The following KRTDAP variants were observed in gnomAD, a reference collection of about 807,000 sequenced individuals.
KRTDAP encodes the protein keratinocyte differentiation associated protein, also known as keratinocyte differentiation-associated protein.
KRTDAP carries 14 observed loss-of-function variants against 18.6 expected under a neutral mutation model. The observed-to-expected ratio is 0.75, with a 90% confidence interval of 0.50 to 1.18. The LOEUF (loss-of-function observed/expected upper bound fraction) is 1.18, where lower values mean the gene tolerates loss of function less well. KRTDAP is among the 50% of genes most tolerant of loss of function. The probability of loss-of-function intolerance (pLI) is 0.00; values close to 1 mark genes in which losing one functional copy is unlikely to be tolerated. For missense variants in KRTDAP, 114 were observed against 121.3 expected, an observed-to-expected ratio of 0.94 and a Z score of 0.28; for synonymous variants, 53 against 49.5, an observed-to-expected ratio of 1.07 and a Z score of -0.29.
At chr19:35,490,331 AT>A in intron 1 of KRTDAP, 24 bp downstream of exon 1, 1 of 1,510,964 alleles carries the variant, frequency 6.6e-7, no homozygotes, top group Non-Finnish European at 9.1e-7. Flanking sequence ...ACGTATAAGA[AT>A]AAAAATGCAG....
chr19:35,490,215 CT>C (rs2067514639), intron 1 of KRTDAP, 140 bp downstream of exon 1: 1 of 551,682 alleles, frequency 1.8e-6, no homozygotes, highest in African/African-American at 1.9e-5. Flanking sequence ...TCCCTCCTCC[CT>C]TCCTCAGAGC....
intron 4 of KRTDAP, 149 bp from the exon 5 acceptor site, chr19:35,487,908 AG>A: frequency 1.5e-6 from 1 of 645,210 alleles, no homozygotes; most frequent in Non-Finnish European, 2.8e-6. Context: ...ATATTTCCTG[AG>A]GCCTTAGTCT....
At chr19:35,488,617 G>A in intron 3 of KRTDAP, 45 bp downstream of exon 3, 1 of 1,610,046 alleles carries the variant, frequency 6.2e-7, no homozygotes, top group Non-Finnish European at 8.5e-7. Context: ...TATCCCCTCT[G>A]TGATGAGGGT....
At chr19:35,489,434 G>A (rs2067510491) in intron 1 of KRTDAP, among the ~76,000 whole-genome samples, 1 of 152,178 alleles carries the variant, frequency 6.6e-6, no homozygotes, top group South Asian at 2.1e-4. Context: ...TTGGTCATTT[G>A]TTTTTTGGTT....
intron 5 of KRTDAP, 116 bp from the exon 6 acceptor site, chr19:35,487,582 T>A: frequency 8.7e-7 from 1 of 1,148,166 alleles, no homozygotes; most frequent in Non-Finnish European, 1.3e-6. Context: ...CTATATGTAG[T>A]AGCTAAGACC....
intron 5 of KRTDAP, 21 bp from the exon 6 acceptor site, chr19:35,487,487 G>T: frequency 6.2e-7 from 1 of 1,611,416 alleles, no homozygotes; most frequent in East Asian, 2.2e-5. Context: ...AGGGGTCAGG[G>T]TTAGATGGGG....
intron 1 of KRTDAP, 49 bp downstream of exon 1, chr19:35,490,307 G>A: frequency 3.4e-6 from 4 of 1,161,678 alleles, no homozygotes; most frequent in Non-Finnish European, 5.0e-6. Context: ...GAGATGGAGG[G>A]GTAGGTGGGT....
At chr19:35,487,586 T>C in intron 5 of KRTDAP, 120 bp from the exon 6 acceptor site, 1 of 1,157,274 alleles carries the variant, frequency 8.6e-7, no homozygotes, top group Non-Finnish European at 1.3e-6. Flanking sequence ...ATGTAGTAGC[T>C]AAGACCTCCC....
rs775957043 is a variant in KRTDAP, at chr19:35,490,390, T to TGGAGCACCAGGAGGGAGA, written c.35_52dup (p.Leu12_Leu17dup). On this transcript the variant is annotated inframe_insertion, in exon 1 of 6. Transcript: ENST00000338897. ...ACCCAGGGTGGCTCCCTGGGCAGAG[T>TGGAGCACCAGGAGGGAGA]GGAGCACCAGGAGGGAGAGGAGCAC... is the stretch of plus-strand genomic sequence containing the variant. 6.2e-7 allele frequency: 1 copy of TGGAGCACCAGGAGGGAGA among 1,612,950 alleles called. No individual in the cohort carries two copies. The highest frequency in any genetic ancestry group is 2.2e-5 in the East Asian group (1 of 44,842).
In KRTDAP at chr19:35,488,487, T is replaced by A. The variant is rs1189157275; in HGVS notation, c.169-2A>T. On this transcript the variant is annotated splice_acceptor_variant, in intron 3 of 5. Coordinates refer to ENST00000338897, the MANE Select transcript of KRTDAP (RefSeq NM_207392.3). LOFTEE classifies it high-confidence loss of function. ...CAGGAACTCATCAGCCTTAAACGCC[T>A]GAGGAGGAAGAGAGACAGCAGAAGC... 1.2e-6 allele frequency: 2 copies of A among 1,613,548 alleles called. No homozygotes were observed. Among genetic ancestry groups the A allele is most frequent in the Non-Finnish European group, 1.7e-6 (2 of 1,179,850 alleles).
chr19:35,489,521 C>G (rs1412896187), intron 1 of KRTDAP, among the ~76,000 whole-genome samples: 2 of 152,174 alleles, frequency 1.3e-5, no homozygotes, highest in Non-Finnish European at 2.9e-5. Context: ...ATGTAAAACT[C>G]TAGGCACATC....
Position 35,487,564 on chromosome 19 carries a change from G to A in KRTDAP, c.262-98C>T, listed in dbSNP as rs777501512. 2.2e-4 allele frequency: 277 copies of A among 1,231,338 alleles called. 1 individual carries two copies. The highest frequency in any genetic ancestry group is 5.6e-4 in the Middle Eastern group (3 of 5,330). The allele number at this position is 1,231,338 out of a possible 1,614,324, so 76.3% of individuals were successfully genotyped here. ...AATTTCTGCCTCGGTGTGAGTTCCC[G>A]TTCTCCTCTATATGTAGTAGCTAAG... On this transcript the variant is annotated intron_variant, in intron 5 of 5. Transcript: ENST00000338897.
At chr19:35,488,594 C>G (rs1259790425) in intron 3 of KRTDAP, 68 bp downstream of exon 3, 2 of 1,610,800 alleles carry the variant, frequency 1.2e-6, no homozygotes, top group African/African-American at 2.7e-5. Flanking sequence ...TGCAAGCTCT[C>G]TACCAAGGCG....
In KRTDAP at chr19:35,488,432, A is replaced by G. The variant is rs906276816; in HGVS notation, c.213+9T>C. Reference sequence around the variant, plus strand: ...AACCGAGGAGGGCAAGGGGCGCCGGAGCACTCACCTCAAAGAGGGCGTGCC... The same window carrying G: ...AACCGAGGAGGGCAAGGGGCGCCGGGGCACTCACCTCAAAGAGGGCGTGCC... On this transcript the variant is annotated intron_variant, in intron 4 of 5. Coordinates refer to ENST00000338897, the MANE Select transcript of KRTDAP (RefSeq NM_207392.3). 8 of 1,612,026 alleles carry G rather than the reference A, an allele frequency of 5.0e-6. No individual in the cohort carries two copies. Among genetic ancestry groups the G allele is most frequent in the Non-Finnish European group, 6.8e-6 (8 of 1,179,342 alleles).
In KRTDAP at chr19:35,487,408, T is replaced by C. The variant is rs751623137; in HGVS notation, c.*20A>G. 6 of 1,612,328 alleles carry C rather than the reference T, an allele frequency of 3.7e-6. No individual in the cohort carries two copies. Among genetic ancestry groups the C allele is most frequent in the Middle Eastern group, 1.7e-4 (1 of 6,056 alleles). On this transcript the variant is annotated 3_prime_UTR_variant, in exon 6 of 6. Transcript: ENST00000338897. The stretch of plus-strand genomic sequence containing the variant: ...AGAATCAGCGCTCACGCTAGCCCCC[T>C]CTTCCAGTGGAGGTCATGGTCACTG...
rs1393546703 is a variant in KRTDAP at position 35,488,660 on chromosome 19, A to G, written c.168+2T>C. 6.2e-7 allele frequency: 1 copy of G among 1,614,204 alleles called. No individual in the cohort carries two copies. The highest frequency in any genetic ancestry group is 8.5e-7 in the Non-Finnish European group (1 of 1,180,032). On this transcript the variant is annotated splice_donor_variant, in intron 3 of 5. Coordinates refer to ENST00000338897, the MANE Select transcript of KRTDAP (RefSeq NM_207392.3). LOFTEE classifies it high-confidence loss of function. ...GGGGTAGCACCAGAGAAGCGTACTC[A>G]CAGATCGCAATTTGTCGATGTTCAG...
chr19:35,488,346 G>C, intron 4 of KRTDAP, 95 bp downstream of exon 4: 1 of 1,296,242 alleles, frequency 7.7e-7, no homozygotes. Flanking sequence ...CCAGAGATCA[G>C]GAACCAACCC....
Position 35,490,453 on chromosome 19 carries a change from T to C in KRTDAP, c.-11A>G, listed in dbSNP as rs367670264. On this transcript the variant is annotated 5_prime_UTR_variant, in exon 1 of 6. Transcript: ENST00000338897. Reference sequence around the variant, plus strand: ...GACCGGGATCTTCATGGCGTCAAGTTTGGGGTGCTCTGAGGCGGGGCCTCA... The same window carrying C: ...GACCGGGATCTTCATGGCGTCAAGTCTGGGGTGCTCTGAGGCGGGGCCTCA... The C allele has an allele frequency of 1.2e-5, 19 of 1,601,362 alleles. No individual in the cohort carries two copies. The highest frequency in any genetic ancestry group is 1.6e-5 in the Non-Finnish European group (19 of 1,169,662).
chr19:35,488,985 G>C, intron 1 of KRTDAP, 145 bp from the exon 2 acceptor site: 1 of 713,576 alleles, frequency 1.4e-6, no homozygotes, highest in Non-Finnish European at 2.4e-6. Flanking sequence ...CTCCGTTCCA[G>C]TCGCGCACAT....
Sources: gnomAD v4.1 joint callset for allele counts (sites outside exome capture counted in the v4.1 genomes callset) on GRCh38, gnomAD v4.1.1 for gene constraint, MANE v1.5 for transcripts, NCBI Gene and HGNC (gene_info 2026-07-23, HGNC 2026-07-21) for gene names.